Variants in LSAMP observed in about 807,000 individuals in gnomAD.
LSAMP encodes the protein limbic system associated membrane protein, also known as limbic system-associated membrane protein.
In LSAMP, 7 loss-of-function variants were observed where a neutral mutation model predicts 38.6. The ratio of observed to expected loss-of-function variants is 0.18; its 90% CI spans 0.10 to 0.34. LSAMP has a LOEUF of 0.34. LSAMP is among the 10% of genes least tolerant of loss of function. The pLI, the probability that LSAMP is intolerant of heterozygous loss-of-function variation, is 1.00. For synonymous variants in LSAMP, 154 were observed against 166.8 expected (o/e 0.92, Z 0.59); for missense variants, 313 against 420.0 (o/e 0.75, Z 2.23).
At chr3:116,167,268 C>T (rs1450209991) in intron 1 of LSAMP, among the ~76,000 whole-genome samples, 1 of 152,070 alleles carries the variant, frequency 6.6e-6, no homozygotes, top group African/African-American at 2.4e-5. Flanking sequence ...CAGCTAGAGT[C>T]CCCAAAGTCC....
intron 3 of LSAMP, among the ~76,000 whole-genome samples, chr3:116,003,808 G>T (rs1940070242): frequency 6.6e-6 from 1 of 152,120 alleles, no homozygotes; most frequent in African/African-American, 2.4e-5. Context: ...CAAGAAGCTA[G>T]AAGAAGTAAG....
Position 116,074,340 on chromosome 3 carries a change from G to A in LSAMP, c.388+11984C>T, listed in dbSNP as rs901766445. The stretch of plus-strand genomic sequence containing the variant: ...TTGAATGCTGGGCAGCCACTATAAT[G>A]TTCATTATAATAGTATTTCTCATGA... On this transcript the variant is annotated intron_variant, in intron 2 of 6. Coordinates refer to ENST00000490035, the MANE Select transcript of LSAMP (RefSeq NM_002338.5). Among the ~76,000 whole-genome samples the A allele has an allele frequency of 5.9e-5, 9 of 152,178 alleles. No individual in the cohort carries two copies. In the South Asian group the frequency reaches 1.7e-3, roughly 28 times the overall value.
intron 1 of LSAMP, among the ~76,000 whole-genome samples, chr3:116,185,894 C>CAAA (rs58376954): frequency 1.9e-5 from 2 of 105,908 alleles, no homozygotes; most frequent in Non-Finnish European, 4.2e-5. Flanking sequence ...GAAAAAGAAG[C>CAAA]AAAAAAAAAA....
At chr3:116,268,130 T>TGCAACTAAATCTAATCCTAAC (rs2046916721) in intron 1 of LSAMP, among the ~76,000 whole-genome samples, 1 of 152,168 alleles carries the variant, frequency 6.6e-6, no homozygotes, top group Non-Finnish European at 1.5e-5. Flanking sequence ...TTCTGTAATA[T>TGCAACTAAATCTAATCCTAAC]GCAACTAAAT....
intron 1 of LSAMP, among the ~76,000 whole-genome samples, chr3:116,313,132 G>C (rs1399746177): frequency 6.6e-6 from 1 of 152,050 alleles, no homozygotes; most frequent in African/African-American, 2.4e-5. Context: ...TAAACCTCTT[G>C]CTTTGCTTAA....
intron 1 of LSAMP, among the ~76,000 whole-genome samples, chr3:116,243,564 C>G (rs1296946386): frequency 2.0e-5 from 3 of 152,180 alleles, no homozygotes; most frequent in Admixed American, 2.0e-4. Context: ...TAAGTCTTAA[C>G]TACTCAATGC....
chr3:116,035,355 C>T (rs2107709683), intron 2 of LSAMP, among the ~76,000 whole-genome samples: 2 of 152,232 alleles, frequency 1.3e-5, no homozygotes, highest in East Asian at 3.9e-4. Context: ...ACTCAAAGTA[C>T]ACCTTAGATT....
chr3:116,284,844 C>T (rs952178265), intron 1 of LSAMP, among the ~76,000 whole-genome samples: 2 of 152,134 alleles, frequency 1.3e-5, no homozygotes, highest in African/African-American at 4.8e-5. Flanking sequence ...ATCAAGTCCA[C>T]AAGTTCATCC....
At chr3:115,909,891 G>A (rs375276194) in intron 3 of LSAMP, among the ~76,000 whole-genome samples, 1 of 113,536 alleles carries the variant, frequency 8.8e-6, no homozygotes, top group Non-Finnish European at 2.0e-5. Context: ...TAAAATATCT[G>A]TGTTTCACTC....
chr3:116,337,360 A>G (rs1404396348), intron 1 of LSAMP, among the ~76,000 whole-genome samples: 1 of 152,044 alleles, frequency 6.6e-6, no homozygotes, highest in Non-Finnish European at 1.5e-5. Context: ...GGATAAAAAT[A>G]ATACATAATT....
chr3:115,965,607 GTT>G (rs57505678), intron 3 of LSAMP, among the ~76,000 whole-genome samples: 7 of 137,142 alleles, frequency 5.1e-5, no homozygotes, highest in Admixed American at 2.2e-4. Context: ...TGTATTTTAG[GTT>G]TTTTTTTTTT....
At chr3:115,923,153 C>T (rs556892708) in intron 3 of LSAMP, among the ~76,000 whole-genome samples, 4 of 152,294 alleles carry the variant, frequency 2.6e-5, no homozygotes, top group South Asian at 2.1e-4. Context: ...TTGCCCAAGA[C>T]ACTCAAACAA....
At chr3:116,312,321 C>A (rs1261821622) in intron 1 of LSAMP, among the ~76,000 whole-genome samples, 1 of 152,100 alleles carries the variant, frequency 6.6e-6, no homozygotes, top group Non-Finnish European at 1.5e-5. Context: ...GCTCAGCAAC[C>A]CTGCCCATCT....
intron 1 of LSAMP, among the ~76,000 whole-genome samples, chr3:116,163,157 G>A (rs988028180): frequency 2.0e-5 from 3 of 151,162 alleles, no homozygotes; most frequent in African/African-American, 7.3e-5. Context: ...CATGTGCCAT[G>A]TTGGTGTGCT....
At chr3:116,039,669 T>C (rs974087503) in intron 2 of LSAMP, among the ~76,000 whole-genome samples, 5 of 152,144 alleles carry the variant, frequency 3.3e-5, no homozygotes, top group African/African-American at 1.2e-4. Context: ...AAGGTGGGAA[T>C]AAAATGCCTA....
chr3:116,027,805 T>C (rs1940828300), intron 2 of LSAMP, among the ~76,000 whole-genome samples: 2 of 152,128 alleles, frequency 1.3e-5, no homozygotes, highest in South Asian at 4.1e-4. Context: ...AGTTCCAGAG[T>C]AGGAGAGAAA....
chr3:115,900,200 T>C (rs1264494933), intron 3 of LSAMP, among the ~76,000 whole-genome samples: 1 of 152,150 alleles, frequency 6.6e-6, no homozygotes, highest in Non-Finnish European at 1.5e-5. Flanking sequence ...AGGACAAAAC[T>C]AAGAGCTTCA....
chr3:116,418,518 C>T (rs1032949290), intron 1 of LSAMP, among the ~76,000 whole-genome samples: 4 of 151,828 alleles, frequency 2.6e-5, no homozygotes, highest in Admixed American at 2.6e-4. Flanking sequence ...TTCAATGCCA[C>T]ACTTACTATT....
chr3:116,143,478 T>C (rs1709418665), intron 1 of LSAMP, among the ~76,000 whole-genome samples: 1 of 152,016 alleles, frequency 6.6e-6, no homozygotes, highest in Admixed American at 6.6e-5. Context: ...GGATTATTGG[T>C]AACTCAAAGG....
Sources: allele counts gnomAD v4.1 joint callset (sites outside exome capture counted in the v4.1 genomes callset), GRCh38; gene constraint gnomAD v4.1.1; transcripts MANE v1.5; gene names NCBI Gene and HGNC (gene_info 2026-07-23, HGNC 2026-07-21).